The following FCHSD1 variants were observed in gnomAD, a reference collection of about 807,000 sequenced individuals.
FCHSD1 encodes F-BAR and double SH3 domains protein 1.
Under a neutral mutation model 101.3 loss-of-function variants are expected in FCHSD1, and 109 were observed. The observed-to-expected ratio is 1.08, with a 90% CI of 0.92 to 1.26. FCHSD1 has a LOEUF of 1.26. FCHSD1 is among the 50% of genes most tolerant of loss of function. The probability of loss-of-function intolerance (pLI) is 0.00; values close to 1 mark genes in which losing one functional copy is unlikely to be tolerated. For missense variants in FCHSD1, 820 were observed against 895.8 expected (o/e 0.92, Z 1.08); for synonymous variants, 291 against 356.8 (o/e 0.82, Z 2.08).
Position 141,644,588 on chromosome 5 carries a change from C to T in FCHSD1, c.1627G>A (p.Gly543Arg), listed in dbSNP as rs765813467. 2.4e-5 allele frequency: 39 copies of T among 1,613,866 alleles called. No individual in the cohort carries two copies. The highest frequency in any genetic ancestry group is 3.3e-5 in the South Asian group (3 of 91,082). The change falls in exon 16 of 20, where the codon GGG (glycine) becomes AGG (arginine). Residue 543 changes from glycine to arginine, a missense_variant. Physicochemically the swap from Gly to Arg is moderately radical, Grantham distance 125. Transcript: ENST00000435817. ...CCTTTCTTACCTGTGGGCTCTGCCCCGCAGGGATTGTCACTGTCTTGGCTG... is the reference window on the plus strand; with the variant it reads ...CCTTTCTTACCTGTGGGCTCTGCCCTGCAGGGATTGTCACTGTCTTGGCTG... The part of the protein sequence containing the change: ...ESSQDSDNPC[G>R]AEPTAFLAQA...
chr5:141,651,181 A>G, intron 1 of FCHSD1, 64 bp from the exon 2 acceptor site: 1 of 1,403,870 alleles, frequency 7.1e-7, no homozygotes, highest in Non-Finnish European at 9.8e-7. Context: ...CCGCGCAGGG[A>G]GCGGTGAGGG....
rs961080318 is a variant in FCHSD1, at chr5:141,639,425, G to A, written c.*2073C>T. ...TAAGAAACAAAACATGAAGGGAAAT[G>A]GAAATGTTACCCTCACTCCCCTCCT... On this transcript the variant is annotated 3_prime_UTR_variant, in exon 20 of 20. Transcript: ENST00000435817. The surrounding 1 kb of genome is among the most constrained non-coding windows in gnomAD (Gnocchi z 4.4). 2.6e-6 allele frequency: 4 copies of A among 1,520,070 alleles called. No individual in the cohort carries two copies. Among genetic ancestry groups the A allele is most frequent in the Non-Finnish European group, 3.6e-6 (4 of 1,116,342 alleles). 94.2% of individuals were successfully genotyped at this position (1,520,070 alleles called of 1,614,324 possible).
In FCHSD1 at chr5:141,642,996, C is replaced by T. The variant is rs748761599; in HGVS notation, c.1951+5G>A. On this transcript the variant is annotated splice_donor_5th_base_variant and intron_variant, in intron 18 of 19. Coordinates refer to ENST00000435817, the MANE Select transcript of FCHSD1 (RefSeq NM_033449.3). The stretch of plus-strand genomic sequence containing the variant: ...CTCCCAAGGCTCCCAGTTCCTTCCA[C>T]TCACCCCCAGGCAGGACAGGTGCAG... 1.9e-6 allele frequency: 3 copies of T among 1,561,014 alleles called. No individual in the cohort carries two copies. Among genetic ancestry groups the T allele is most frequent in the Admixed American group, 3.8e-5 (2 of 52,332 alleles).
chr5:141,644,891 T>C lies in FCHSD1; in HGVS notation c.1492A>G (p.Ile498Val), dbSNP rs754712147. ...CATTCGTCAGCATCTCCCTCCTCTA[T>C]GACCTCCAGCCACTCACCCTCCGTG... ...TITEGEWLEV[I>V]EEGDADEWVK... The change falls in exon 15 of 20, where the codon ATA becomes GTA. Residue 498 changes from isoleucine (I) to valine (V), a missense_variant. Physicochemically the swap from Ile to Val is conservative, Grantham distance 29. Transcript: ENST00000435817. 1.3e-5 allele frequency: 21 copies of C among 1,613,734 alleles called. No individual in the cohort carries two copies. Among genetic ancestry groups the C allele is most frequent in the Non-Finnish European group, 1.7e-5 (20 of 1,179,868 alleles).
chr5:141,645,827 CCA>C lies in FCHSD1; in HGVS notation c.1253_1254del (p.Val418GlyfsTer8). On this transcript the variant is annotated frameshift_variant, in exon 13 of 20. Coordinates refer to ENST00000435817, the MANE Select transcript of FCHSD1 (RefSeq NM_033449.3). LOFTEE classifies it high-confidence loss of function. ...GCCTCACTGAGCCGCCGCTCCTGCTCCACCTCATCCTGGGCCTGGGTCATGGC... is the reference window on the plus strand; with the variant it reads ...GCCTCACTGAGCCGCCGCTCCTGCTCCCTCATCCTGGGCCTGGGTCATGGC... The part of the protein sequence containing the change: ...KPAMTQAQDE[V>X]EQERRLSEAR... The C allele has an allele frequency of 6.2e-7, 1 of 1,609,234 alleles. No individual in the cohort carries two copies. Among genetic ancestry groups the C allele is most frequent in the Non-Finnish European group, 8.5e-7 (1 of 1,177,846 alleles).
Position 141,641,198 on chromosome 5 carries a change from T to C in FCHSD1, c.*300A>G, listed in dbSNP as rs187515. 0.14 allele frequency: 52,560 copies of C among 364,550 alleles called. 4,914 individuals are homozygous for C. Among genetic ancestry groups the C allele is most frequent in the African/African-American group, 0.3 (14,622 of 48,014 alleles). The allele number at this position is 364,550 out of a possible 1,614,324, so 22.6% of individuals were successfully genotyped here. A position where few individuals can be genotyped will look rare whatever the true frequency, so the allele number is the denominator to read the frequency against. On this transcript the variant is annotated 3_prime_UTR_variant, in exon 20 of 20. Transcript: ENST00000435817. Reference sequence around the variant, plus strand: ...GGTGGGGAAAGAGGTGGGCCAGAACTACTAGAGACCTTGATGGATGGTTTC... The same window carrying C: ...GGTGGGGAAAGAGGTGGGCCAGAACCACTAGAGACCTTGATGGATGGTTTC...
At chr5:141,647,283 C>G (rs2099907773) in intron 9 of FCHSD1, 53 bp from the exon 10 acceptor site, 7 of 1,572,118 alleles carry the variant, frequency 4.5e-6, no homozygotes, top group Non-Finnish European at 6.1e-6. Flanking sequence ...CTCTCCAACC[C>G]TGTCCCTAGC....
rs762229943 is a variant in FCHSD1, at chr5:141,639,653, G to A, written c.*1845C>T. On this transcript the variant is annotated 3_prime_UTR_variant, in exon 20 of 20. Transcript: ENST00000435817. The surrounding 1 kb of genome is among the most constrained non-coding windows in gnomAD (Gnocchi z 4.4). The stretch of plus-strand genomic sequence containing the variant: ...CCACTGTGTTCTCTGTGGGCAGGTG[G>A]GGCAGGTGCTCCAGGGAAAGGGGGG... 2.5e-6 allele frequency: 4 copies of A among 1,594,288 alleles called. No homozygotes were observed. The highest frequency in any genetic ancestry group is 1.1e-5 in the South Asian group (1 of 90,022).
At position 141,647,400 on chromosome 5, in the gene FCHSD1, G is replaced by A. The variant is rs1013026558; in HGVS notation, c.826C>T (p.Gln276Ter). 1.9e-6 allele frequency: 3 copies of A among 1,595,574 alleles called. No homozygotes were observed. In the African/African-American group the frequency reaches 4.1e-5, roughly 22 times the overall value. Residue 276 changes from glutamine (Q) to a stop codon, truncating the protein, a stop_gained and splice_region_variant, in exon 9 of 20, where the codon CAG (glutamine) becomes TAG (stop). Coordinates refer to ENST00000435817, the MANE Select transcript of FCHSD1 (RefSeq NM_033449.3). LOFTEE classifies it high-confidence loss of function. ...HAHRGEQTTS[Q>*]VSWEQDLKLF... ...CTCTTAGAGGCCACAGCCCTCACCT[G>A]GGAGGTTGTCTGCTCCCCGCGGTGG...
In FCHSD1 at chr5:141,649,588, G is replaced by T. The variant is rs370921715; in HGVS notation, c.234-52C>A. On this transcript the variant is annotated intron_variant, in intron 4 of 19. Transcript: ENST00000435817. This position sits in a 1 kb window ranked among gnomAD's most constrained non-coding sequence, Gnocchi z 4.1. ...AGGAGAGCACTCCACAGCTTCATGA[G>T]ACCACCCCCACCCCCTGCCCCCTGA... The T allele has an allele frequency of 2.5e-5, 40 of 1,576,044 alleles. No individual in the cohort carries two copies. The highest frequency in any genetic ancestry group is 3.4e-5 in the Non-Finnish European group (39 of 1,163,012).
In FCHSD1 at chr5:141,643,085, G is replaced by C; in HGVS notation, c.1867C>G (p.Leu623Val). 6.7e-7 allele frequency: 1 copy of C among 1,482,506 alleles called. No homozygotes were observed. The highest frequency in any genetic ancestry group is 9.0e-7 in the Non-Finnish European group (1 of 1,116,878). 91.8% of individuals were successfully genotyped at this position (1,482,506 alleles called of 1,614,324 possible). A position where few individuals can be genotyped will look rare whatever the true frequency, so the allele number is the denominator to read the frequency against. The change falls in exon 18 of 20, where the codon CTG becomes GTG. Residue 623 changes from leucine (L) to valine (V), a missense_variant. Transcript: ENST00000435817. ...PPELSDPEQM[L>V]PSPSPPSFSP... is the part of the protein sequence containing the mutation. ...AAGCTGGGAGGAGAAGGGGACGGCA[G>C]CATCTGGAGGTGGGGTGGGCACAGA...
At chr5:141,644,537 C>T in intron 16 of FCHSD1, 36 bp downstream of exon 16, 1 of 1,611,306 alleles carries the variant, frequency 6.2e-7, no homozygotes, top group East Asian at 2.2e-5. Context: ...TTTCTCCATA[C>T]CCAGGGTCCT....
Position 141,649,239 on chromosome 5 carries a change from TCCGACTTCGGCTCAGCTC to T in FCHSD1, c.427_444del (p.Glu143_Arg148del). 1 of 1,613,970 alleles carries T rather than the reference TCCGACTTCGGCTCAGCTC, an allele frequency of 6.2e-7. No individual in the cohort carries two copies. The highest frequency in any genetic ancestry group is 8.5e-7 in the Non-Finnish European group (1 of 1,179,886). On this transcript the variant is annotated inframe_deletion, in exon 6 of 20. Coordinates refer to ENST00000435817, the MANE Select transcript of FCHSD1 (RefSeq NM_033449.3). This position sits in a 1 kb window ranked among gnomAD's most constrained non-coding sequence, Gnocchi z 4.1. The stretch of plus-strand genomic sequence containing the variant: ...ACACGTTCCCGCTGCCCATACAGCT[TCCGACTTCGGCTCAGCTC>T]CCGGACAGACTGCAGCACCTCAGCC...
rs200010370 is a variant in FCHSD1 at position 141,649,496 on chromosome 5, C to T, written c.274G>A (p.Ala92Thr). The change falls in exon 5 of 20, where the codon GCC (alanine) becomes ACC (threonine). Residue 92 changes from alanine to threonine, a missense_variant. Transcript: ENST00000435817. The surrounding 1 kb of genome is among the most constrained non-coding windows in gnomAD (Gnocchi z 4.1). Reference protein sequence around the residue: ...VFGAWRCLLDATVAGGQTRLQ... With the variant: ...VFGAWRCLLDTTVAGGQTRLQ... Reference sequence around the variant, plus strand: ...CGGGTTTGGCCCCCAGCCACGGTGGCATCCAGCAGGCAGCGCCAGGCACCG... The same window carrying T: ...CGGGTTTGGCCCCCAGCCACGGTGGTATCCAGCAGGCAGCGCCAGGCACCG... 1.1e-4 allele frequency: 177 copies of T among 1,613,726 alleles called. 1 individual carries two copies. In the African/African-American group the frequency reaches 1.5e-3, roughly 14 times the overall value.
chr5:141,649,571 A>C lies in FCHSD1; in HGVS notation c.234-35T>G. Reference sequence around the variant, plus strand: ...GAAGGTCTGTGTTGAGGAGGAGAGCACTCCACAGCTTCATGAGACCACCCC... The same window carrying C: ...GAAGGTCTGTGTTGAGGAGGAGAGCCCTCCACAGCTTCATGAGACCACCCC... On this transcript the variant is annotated intron_variant, in intron 4 of 19. Transcript: ENST00000435817. The surrounding 1 kb of genome is among the most constrained non-coding windows in gnomAD (Gnocchi z 4.1). 6 of 1,595,252 alleles carry C rather than the reference A, an allele frequency of 3.8e-6. No homozygotes were observed. The highest frequency in any genetic ancestry group is 5.1e-6 in the Non-Finnish European group (6 of 1,171,838).
At chr5:141,645,639 G>T in intron 13 of FCHSD1, 132 bp downstream of exon 13, 1 of 1,092,108 alleles carries the variant, frequency 9.2e-7, no homozygotes, top group Non-Finnish European at 1.3e-6. Flanking sequence ...AATGATATAT[G>T]ATGATTTCAC....
At position 141,645,083 on chromosome 5, in the gene FCHSD1, A is replaced by G. The variant is rs1361722098; in HGVS notation, c.1377T>C (p.Pro459=). The G allele has an allele frequency of 1.9e-6, 3 of 1,588,830 alleles. No individual in the cohort carries two copies. Among genetic ancestry groups the G allele is most frequent in the African/African-American group, 2.7e-5 (2 of 74,414 alleles). Residue 459 remains proline (P), a synonymous_variant, in exon 14 of 20, where the codon CCT becomes CCC. Transcript: ENST00000435817. ...CEETGELFEE[P]APQALATRAL... is the part of the protein sequence containing the mutation. ...CCCTCGTGGCCAGGGCTTGGGGGGC[A>G]GGCTCCTCAAAGAGCTCTCCCGTCT...
chr5:141,639,529 C>G lies in FCHSD1; in HGVS notation c.*1969G>C. On this transcript the variant is annotated 3_prime_UTR_variant, in exon 20 of 20. Coordinates refer to ENST00000435817, the MANE Select transcript of FCHSD1 (RefSeq NM_033449.3). The surrounding 1 kb of genome is among the most constrained non-coding windows in gnomAD (Gnocchi z 4.4). ...CATCATCACACAGTGCACCTGGGCT[C>G]TGCAGCCCCTTGCCTCCATTGCAGC... The G allele has an allele frequency of 1.2e-6, 2 of 1,613,974 alleles. No individual in the cohort carries two copies. The highest frequency in any genetic ancestry group is 2.2e-5 in the South Asian group (2 of 91,082).
chr5:141,643,403 A>G (rs1437386224), intron 17 of FCHSD1, among the ~76,000 whole-genome samples: 2 of 152,266 alleles, frequency 1.3e-5, no homozygotes, highest in Admixed American at 6.5e-5. Context: ...AGGTTAAGCC[A>G]GCTGTCCAAA....
Sources: allele counts gnomAD v4.1 joint callset (sites outside exome capture counted in the v4.1 genomes callset), GRCh38; gene constraint gnomAD v4.1.1; non-coding constraint Gnocchi (gnomAD v3.1); transcripts MANE v1.5; gene names NCBI Gene and HGNC (gene_info 2026-07-23, HGNC 2026-07-21).